The following NEO1 variants were observed in gnomAD, a reference collection of about 807,000 sequenced individuals.
NEO1 encodes neogenin 1, also known as neogenin.
NEO1 carries 63 observed loss-of-function variants against 159.7 expected under a neutral mutation model. The observed-to-expected ratio is 0.39, with a 90% CI of 0.32 to 0.49. The LOEUF (loss-of-function observed/expected upper bound fraction) is 0.49. NEO1 is among the 20% of genes least tolerant of loss of function. The pLI, the probability that NEO1 is intolerant of heterozygous loss-of-function variation, is 0.85. For synonymous variants in NEO1, 633 were observed against 662.0 expected (o/e 0.96, Z 0.67); for missense variants, 1,615 against 1,831.0 (o/e 0.88, Z 2.15).
chr15:73,085,789 C>T (rs1229960879), intron 1 of NEO1, among the ~76,000 whole-genome samples: 1 of 152,070 alleles, frequency 6.6e-6, no homozygotes, highest in Non-Finnish European at 1.5e-5. Context: ...AAATCTTTTG[C>T]CCATTAAGAA....
At chr15:73,272,905 C>A (rs764536160) in intron 19 of NEO1, among the ~76,000 whole-genome samples, 6 of 150,958 alleles carry the variant, frequency 4.0e-5, no homozygotes, top group African/African-American at 1.5e-4. Context: ...TTATATACCC[C>A]CTCCCTGGTT....
intron 1 of NEO1, among the ~76,000 whole-genome samples, chr15:73,069,584 T>G (rs1482671270): frequency 6.6e-6 from 1 of 151,994 alleles, no homozygotes; most frequent in African/African-American, 2.4e-5. Context: ...AATTACTCAT[T>G]TTTATAGTAA....
chr15:73,054,287 A>G (rs1472102858), intron 1 of NEO1, among the ~76,000 whole-genome samples: 4 of 152,240 alleles, frequency 2.6e-5, no homozygotes, highest in Non-Finnish European at 5.9e-5. Context: ...TTTTGCCGAT[A>G]ATTTTGTAAG....
intron 8 of NEO1, among the ~76,000 whole-genome samples, chr15:73,242,146 C>G (rs1165451036): frequency 2.6e-5 from 4 of 152,062 alleles, no homozygotes; most frequent in Admixed American, 2.6e-4. Flanking sequence ...TTTCAACTTT[C>G]CTGTGTGGGG....
intron 2 of NEO1, among the ~76,000 whole-genome samples, chr15:73,120,061 T>C (rs925188038): frequency 6.6e-6 from 1 of 152,034 alleles, no homozygotes; most frequent in African/African-American, 2.4e-5. Context: ...GTTTGAACCC[T>C]GGAGGCAGAT....
intron 26 of NEO1, 171 bp from the exon 27 acceptor site, chr15:73,298,177 G>A: frequency 7.9e-6 from 6 of 757,282 alleles, no homozygotes; most frequent in Non-Finnish European, 1.0e-5. Flanking sequence ...AAAATTGTTC[G>A]AGACTCCATT....
In NEO1 at chr15:73,254,776, G is replaced by A; in HGVS notation, c.2039G>A (p.Ser680Asn). 1 of 1,614,154 alleles carries A rather than the reference G, an allele frequency of 6.2e-7. No homozygotes were observed. Among genetic ancestry groups the A allele is most frequent in the Non-Finnish European group, 8.5e-7 (1 of 1,180,006 alleles). The change falls in exon 13 of 29, where the codon AGT (serine) becomes AAT (asparagine). Residue 680 changes from serine to asparagine, a missense_variant. Ser to Asn is a conservative substitution (Grantham distance 46). Transcript: ENST00000261908. ...KIRYRKASRK[S>N]DVTETLVSGT... is the part of the protein sequence containing the mutation. The stretch of plus-strand genomic sequence containing the variant: ...CGCTACCGAAAGGCCTCCCGAAAGA[G>A]TGATGTCACTGAGACCTTGGTAAGC...
At chr15:73,216,587 A>G (rs1340192183) in intron 7 of NEO1, among the ~76,000 whole-genome samples, 3 of 152,170 alleles carry the variant, frequency 2.0e-5, no homozygotes, top group Non-Finnish European at 4.4e-5. Flanking sequence ...CATCCTCTCC[A>G]GCACCTGTTG....
At chr15:73,165,460 T>C (rs2034507969) in intron 5 of NEO1, among the ~76,000 whole-genome samples, 2 of 151,966 alleles carry the variant, frequency 1.3e-5, no homozygotes, top group Non-Finnish European at 2.9e-5. Flanking sequence ...TGTAGAACAG[T>C]AGGGAGAATC....
At chr15:73,139,212 A>G (rs1229067757) in intron 5 of NEO1, among the ~76,000 whole-genome samples, 3 of 152,172 alleles carry the variant, frequency 2.0e-5, no homozygotes, top group African/African-American at 7.2e-5. Flanking sequence ...CCTGAACTGT[A>G]AAACTACTAA....
chr15:73,245,951 A>G (rs1230600372), intron 9 of NEO1, among the ~76,000 whole-genome samples: 3 of 152,152 alleles, frequency 2.0e-5, no homozygotes, highest in Non-Finnish European at 4.4e-5. Context: ...AACCTCCAGT[A>G]ATAATAAAAT....
chr15:73,195,666 C>T (rs940257052), intron 7 of NEO1, among the ~76,000 whole-genome samples: 3 of 152,080 alleles, frequency 2.0e-5, no homozygotes, highest in Non-Finnish European at 2.9e-5. Context: ...GCCTGAGTTT[C>T]CCCTTATATA....
chr15:73,217,171 A>G (rs1159024931), intron 7 of NEO1, among the ~76,000 whole-genome samples: 2 of 149,528 alleles, frequency 1.3e-5, no homozygotes, highest in Non-Finnish European at 3.0e-5. Context: ...TCCCAGCACT[A>G]TTTATTAAAT....
chr15:73,192,059 A>G (rs532269016), intron 7 of NEO1, among the ~76,000 whole-genome samples: 1 of 152,158 alleles, frequency 6.6e-6, no homozygotes, highest in African/African-American at 2.4e-5. Flanking sequence ...GTAGAGACAG[A>G]CAATAAGCAA....
At chr15:73,206,834 TA>T (rs199557838) in intron 7 of NEO1, among the ~76,000 whole-genome samples, 1,123 of 41,584 alleles carry the variant, frequency 0.027, 15 homozygotes, top group East Asian at 0.18. Context: ...TGTGTGTGTG[TA>T]TGTGTGTGTG....
At chr15:73,139,250 G>A (rs1377709921) in intron 5 of NEO1, among the ~76,000 whole-genome samples, 2 of 152,034 alleles carry the variant, frequency 1.3e-5, no homozygotes, top group Admixed American at 1.3e-4. Flanking sequence ...GCTTATTGAC[G>A]TTGGTCTTTG....
chr15:73,152,315 C>A (rs1200751324), intron 5 of NEO1, among the ~76,000 whole-genome samples: 1 of 152,082 alleles, frequency 6.6e-6, no homozygotes, highest in African/African-American at 2.4e-5. Flanking sequence ...AGGACCCTTC[C>A]CAAAGAGGGG....
At chr15:73,186,323 C>G (rs2035923887) in intron 7 of NEO1, among the ~76,000 whole-genome samples, 1 of 151,540 alleles carries the variant, frequency 6.6e-6, no homozygotes, top group South Asian at 2.1e-4. Flanking sequence ...CTTTTTAAGT[C>G]CTTAAAAAAA....
chr15:73,246,998 A>G (rs2039829028), intron 9 of NEO1, among the ~76,000 whole-genome samples: 1 of 152,238 alleles, frequency 6.6e-6, no homozygotes, highest in African/African-American at 2.4e-5. Flanking sequence ...GTCTGGTACC[A>G]TAGACAACAG....
Sources: gnomAD v4.1 joint callset for allele counts (sites outside exome capture counted in the v4.1 genomes callset) on GRCh38, gnomAD v4.1.1 for gene constraint, MANE v1.5 for transcripts, NCBI Gene and HGNC (gene_info 2026-07-23, HGNC 2026-07-21) for gene names.